SLC12A6: variants seen among roughly 807,000 people sequenced by gnomAD.
SLC12A6 encodes K-Cl cotransporter 3.
In SLC12A6, 66 loss-of-function variants were observed where a neutral mutation model predicts 135.3. The ratio of observed to expected loss-of-function variants is 0.49; its 90% CI spans 0.40 to 0.60. The LOEUF is 0.60. SLC12A6 is among the 20% of genes least tolerant of loss of function. SLC12A6 has a pLI of 0.00. For missense variants in SLC12A6, 1,058 were observed against 1,452.3 expected, an observed-to-expected ratio of 0.73 and a Z score of 4.41; for synonymous variants, 513 against 508.8, an observed-to-expected ratio of 1.01 and a Z score of -0.11.
chr15:34,321,808 C>A (rs548669931), intron 2 of SLC12A6, among the ~76,000 whole-genome samples: 1 of 152,324 alleles, frequency 6.6e-6, no homozygotes, highest in South Asian at 2.1e-4. Context: ...ATATGTTCAA[C>A]AACATGCATG....
chr15:34,332,088 A>C (rs1399641411), intron 2 of SLC12A6, among the ~76,000 whole-genome samples: 4 of 152,140 alleles, frequency 2.6e-5, no homozygotes, highest in Non-Finnish European at 5.9e-5. Context: ...CAGTCTCTTA[A>C]GTGTCTCTAT....
At chr15:34,267,011 G>A (rs571993968) in intron 3 of SLC12A6, among the ~76,000 whole-genome samples, 78 of 151,812 alleles carry the variant, frequency 5.1e-4, no homozygotes, top group Admixed American at 1.3e-3. Context: ...GGATTTTCTG[G>A]TTTGTTTTTC....
chr15:34,288,157 AGGTGTAAGGGGGTCC>A (rs1230638518), intron 2 of SLC12A6, among the ~76,000 whole-genome samples: 1 of 152,046 alleles, frequency 6.6e-6, no homozygotes, highest in Non-Finnish European at 1.5e-5. Flanking sequence ...TTTTTGTATA[AGGTGTAAGGGGGTCC>A]AGTGTCAGTT....
chr15:34,255,166 T>C, intron 8 of SLC12A6, 96 bp downstream of exon 8: 2 of 1,014,994 alleles, frequency 2.0e-6, no homozygotes, highest in Non-Finnish European at 3.1e-6. Context: ...ACCTGATTTA[T>C]TCCCACAGCT....
At chr15:34,275,201 T>C in intron 3 of SLC12A6, 144 bp downstream of exon 3, 3 of 556,954 alleles carry the variant, frequency 5.4e-6, no homozygotes, top group South Asian at 5.2e-5. Flanking sequence ...AAGTTGGGAA[T>C]AGAAACAGCA....
intron 2 of SLC12A6, among the ~76,000 whole-genome samples, chr15:34,332,537 G>C (rs942692918): frequency 6.6e-6 from 1 of 152,152 alleles, no homozygotes; most frequent in African/African-American, 2.4e-5. Flanking sequence ...TAATCCCTGA[G>C]CTTTAGGAGG....
chr15:34,234,338 G>A (rs1891110309), intron 25 of SLC12A6, among the ~76,000 whole-genome samples: 1 of 152,034 alleles, frequency 6.6e-6, no homozygotes, highest in Non-Finnish European at 1.5e-5. Context: ...TTTTCTGCCA[G>A]TTCGGTTTGT....
At chr15:34,296,311 C>A (rs1895876166) in intron 2 of SLC12A6, among the ~76,000 whole-genome samples, 1 of 151,896 alleles carries the variant, frequency 6.6e-6, no homozygotes, top group Admixed American at 6.6e-5. Flanking sequence ...TAACATTTTA[C>A]AGTTTTTAAA....
intron 2 of SLC12A6, among the ~76,000 whole-genome samples, chr15:34,326,243 G>C (rs1889448290): frequency 6.6e-6 from 1 of 152,042 alleles, no homozygotes; most frequent in Non-Finnish European, 1.5e-5. Context: ...AACCAAAGAG[G>C]GTAGCACTGG....
Position 34,257,662 on chromosome 15 carries a change from C to G in SLC12A6, c.670G>C (p.Val224Leu). 1 of 1,613,712 alleles carries G rather than the reference C, an allele frequency of 6.2e-7. No homozygotes were observed. The highest frequency in any genetic ancestry group is 8.5e-7 in the Non-Finnish European group (1 of 1,179,750). ...CTTACACAGCAGCAGCAGATAAGGA[C>G]AATTGCAAAAGCCTGAAGAACTCCA... is the stretch of plus-strand genomic sequence containing the variant. ...TAGVLQAFAI[V>L]LICCCCTMLT... is the part of the protein sequence containing the mutation. The change falls in exon 6 of 26, where the codon GTC (valine) becomes CTC (leucine). Residue 224 changes from valine (V) to leucine (L), a missense_variant. Physicochemically the swap from Val to Leu is conservative, Grantham distance 32 (BLOSUM62 1). Around this residue, in one of 6 missense-constraint regions of SLC12A6, gnomAD observed 139 missense variants for 202.2 expected, o/e 0.69. Transcript: ENST00000354181.
chr15:34,291,921 G>A lies in SLC12A6; in HGVS notation c.272-16532C>T, dbSNP rs2339432. Among the ~76,000 whole-genome samples the A allele has an allele frequency of 1.8e-3, 267 of 152,144 alleles. 1 individual carries two copies. Among genetic ancestry groups the A allele is most frequent in the Middle Eastern group, 6.8e-3 (2 of 294 alleles). Reference sequence around the variant, plus strand: ...AAAGATTTTAGCTTCCTTGCAATGGGTGAGAACATGCTCCTTTAGCTCGGA... The same window carrying A: ...AAAGATTTTAGCTTCCTTGCAATGGATGAGAACATGCTCCTTTAGCTCGGA... On this transcript the variant is annotated intron_variant, in intron 2 of 25. Transcript: ENST00000354181.
intron 2 of SLC12A6, among the ~76,000 whole-genome samples, chr15:34,307,249 A>G (rs147511174): frequency 6.6e-6 from 1 of 152,240 alleles, no homozygotes; most frequent in Non-Finnish European, 1.5e-5. Flanking sequence ...AATATAAAGC[A>G]TATCTAAAAA....
chr15:34,281,691 G>A (rs1894691003), intron 2 of SLC12A6, among the ~76,000 whole-genome samples: 1 of 152,200 alleles, frequency 6.6e-6, no homozygotes, highest in South Asian at 2.1e-4. Context: ...GGGAGGATGA[G>A]GCAGGAGAAT....
At chr15:34,266,473 A>C (rs1893531101) in intron 3 of SLC12A6, among the ~76,000 whole-genome samples, 1 of 151,968 alleles carries the variant, frequency 6.6e-6, no homozygotes, top group South Asian at 2.1e-4. Flanking sequence ...ACAGGGTCTC[A>C]CTCTTACGCC....
chr15:34,288,102 T>C (rs543312460), intron 2 of SLC12A6, among the ~76,000 whole-genome samples: 2 of 152,342 alleles, frequency 1.3e-5, no homozygotes, highest in East Asian at 3.9e-4. Context: ...AGGATTTTTA[T>C]GGTCCTAGGT....
intron 2 of SLC12A6, 25 bp downstream of exon 2, chr15:34,336,385 T>C: frequency 6.3e-7 from 1 of 1,591,004 alleles, no homozygotes; most frequent in South Asian, 1.1e-5. Context: ...AATGAAAGTA[T>C]GCTGCGGTCT....
At chr15:34,257,574 G>A in intron 6 of SLC12A6, 68 bp downstream of exon 6, 1 of 1,152,186 alleles carries the variant, frequency 8.7e-7, no homozygotes, top group Non-Finnish European at 1.3e-6. Flanking sequence ...TCCCAAAGAG[G>A]TCATGTGCAT....
In SLC12A6 at chr15:34,233,796, T is replaced by G; in HGVS notation, c.*85A>C. ...TACAGAACACAGGCTTCTAGTTGAGTGGGAGTGGTAGTAATGAGCTGGCAC... is the reference window on the plus strand; with the variant it reads ...TACAGAACACAGGCTTCTAGTTGAGGGGGAGTGGTAGTAATGAGCTGGCAC... On this transcript the variant is annotated 3_prime_UTR_variant, in exon 26 of 26. Coordinates refer to ENST00000354181, the MANE Select transcript of SLC12A6 (RefSeq NM_001365088.1). The G allele has an allele frequency of 2.6e-6, 2 of 771,844 alleles. No homozygotes were observed. The highest frequency in any genetic ancestry group is 4.8e-6 in the Non-Finnish European group (2 of 419,534). 47.8% of individuals were successfully genotyped at this position (771,844 alleles called of 1,614,324 possible).
intron 2 of SLC12A6, among the ~76,000 whole-genome samples, chr15:34,312,894 G>A (rs1447947506): frequency 1.3e-5 from 2 of 152,090 alleles, no homozygotes; most frequent in South Asian, 2.1e-4. Flanking sequence ...CTGTGCTATT[G>A]AAATTGCTGT....
Sources: gnomAD v4.1 joint callset for allele counts (sites outside exome capture counted in the v4.1 genomes callset) on GRCh38, gnomAD v4.1.1 for gene constraint, gnomAD v4.1.1 regional missense constraint, MANE v1.5 for transcripts, NCBI Gene and HGNC (gene_info 2026-07-23, HGNC 2026-07-21) for gene names.